PDE4D: variants seen among roughly 807,000 people sequenced by gnomAD.
The protein encoded by PDE4D is 3',5'-cyclic-AMP phosphodiesterase 4D.
Under a neutral mutation model 87.4 loss-of-function variants are expected in PDE4D, and 24 were observed. The observed-to-expected ratio is 0.27, with a 90% CI of 0.20 to 0.39. The LOEUF is 0.39. Ranked by LOEUF, PDE4D falls within the 10% of genes least tolerant of loss-of-function variation. The probability of loss-of-function intolerance (pLI) is 1.00; values close to 1 mark genes in which losing one functional copy is unlikely to be tolerated. For synonymous variants in PDE4D, 384 were observed against 383.2 expected (o/e 1.00, Z -0.02); for missense variants, 714 against 1,041.0 (o/e 0.69, Z 4.32).
rs77980393 is a variant in PDE4D, at chr5:60,124,979, G to T, written c.42+60578C>A. Among the ~76,000 whole-genome samples the T allele has an allele frequency of 1.0e-3, 157 of 152,108 alleles. 2 individuals are homozygous for T. The East Asian group carries it at 0.023, about 23-fold the overall frequency. On this transcript the variant is annotated intron_variant, in intron 2 of 16. Coordinates refer to the PDE4D transcript ENST00000502484. ...ACTTCCAAGCCTTTCCTCACTCTAG[G>T]TTGTATTTCTGCCTCACCAGCTGCT...
At chr5:59,327,478 A>G (rs562502096) in intron 1 of PDE4D, among the ~76,000 whole-genome samples, 16 of 152,256 alleles carry the variant, frequency 1.1e-4, no homozygotes, top group African/African-American at 3.8e-4. Context: ...GATAGCACAA[A>G]GCATGAGAGC....
At chr5:59,439,401 C>A (rs993841914) in intron 1 of PDE4D, among the ~76,000 whole-genome samples, 29 of 151,396 alleles carry the variant, frequency 1.9e-4, no homozygotes, top group African/African-American at 7.0e-4. Context: ...GGTTTCAGAG[C>A]CAAGTGACTT....
In PDE4D at chr5:59,688,738, A is replaced by G. The variant is rs577483079; in HGVS notation, c.455+204430T>C. On this transcript the variant is annotated intron_variant, in intron 1 of 14. Coordinates refer to ENST00000340635, the MANE Select transcript of PDE4D (RefSeq NM_001104631.2). ...TAAGATCAGAGCAGAACTGAAGGAG[A>G]TAGAGACACAAAAAAACCCTTCAAA... 1.2e-3 allele frequency among the ~76,000 whole-genome samples: 185 copies of G among 152,326 alleles called. 1 individual carries two copies. Among genetic ancestry groups the G allele is most frequent in the Non-Finnish European group, 1.7e-3 (113 of 68,032 alleles).
At chr5:59,820,869 A>G (rs1166710001) in intron 1 of PDE4D, among the ~76,000 whole-genome samples, 1 of 152,236 alleles carries the variant, frequency 6.6e-6, no homozygotes, top group Non-Finnish European at 1.5e-5. Flanking sequence ...ATAGGAGTTC[A>G]TAAAATATGC....
intron 5 of PDE4D, among the ~76,000 whole-genome samples, chr5:59,077,724 C>A (rs1765954319): frequency 6.6e-6 from 1 of 152,132 alleles, no homozygotes; most frequent in Non-Finnish European, 1.5e-5. Context: ...ATCAGTCAGT[C>A]AGCTACTCTG....
chr5:59,990,904 G>T (rs1762943053), intron 2 of PDE4D, among the ~76,000 whole-genome samples: 1 of 152,088 alleles, frequency 6.6e-6, no homozygotes, highest in Non-Finnish European at 1.5e-5. Context: ...AGGAAACCAG[G>T]ATGATTGATC....
intron 3 of PDE4D, among the ~76,000 whole-genome samples, chr5:59,953,380 G>A (rs1012838348): frequency 2.1e-4 from 32 of 151,292 alleles, no homozygotes; most frequent in African/African-American, 5.3e-4. Context: ...CTAGAATTTC[G>A]AAGCCATAAA....
rs111945307 is a variant in PDE4D, at chr5:60,479,436, C to G, written c.-90+8506G>C. ...TGAGGGCTGTTTGTTCTTTATCCAACATAGCCTACTGCAATAAATTCTTGT... is the reference window on the plus strand; with the variant it reads ...TGAGGGCTGTTTGTTCTTTATCCAAGATAGCCTACTGCAATAAATTCTTGT... On this transcript the variant is annotated intron_variant, in intron 1 of 16. Transcript: ENST00000502484. Among the ~76,000 whole-genome samples the G allele has an allele frequency of 1.7e-3, 255 of 152,296 alleles. 1 individual carries two copies. Among genetic ancestry groups the G allele is most frequent in the African/African-American group, 5.8e-3 (243 of 41,560 alleles).
At chr5:60,474,150 A>ATATATATATATATATAT (rs1274940940) in intron 1 of PDE4D, among the ~76,000 whole-genome samples, 6 of 96,406 alleles carry the variant, frequency 6.2e-5, no homozygotes, top group Admixed American at 1.9e-4. Context: ...ATATATATAT[A>ATATATATATATATATAT]ACAAAAACCT....
chr5:59,959,426 G>C (rs1045684405), intron 3 of PDE4D, among the ~76,000 whole-genome samples: 4 of 152,010 alleles, frequency 2.6e-5, no homozygotes, highest in African/African-American at 9.7e-5. Flanking sequence ...TAAAGAAAAA[G>C]AACAAAGCCA....
At chr5:60,371,624 A>T (rs569554808) in intron 1 of PDE4D, among the ~76,000 whole-genome samples, 42 of 152,332 alleles carry the variant, frequency 2.8e-4, no homozygotes, top group Admixed American at 1.7e-3. Context: ...AATAAAATTT[A>T]AAAAATTAGA....
At chr5:59,106,071 A>G (rs1771526885) in intron 5 of PDE4D, among the ~76,000 whole-genome samples, 2 of 152,234 alleles carry the variant, frequency 1.3e-5, no homozygotes, top group African/African-American at 4.8e-5. Context: ...TACAACTAAT[A>G]TATAATTGGG....
intron 1 of PDE4D, among the ~76,000 whole-genome samples, chr5:59,842,990 C>A (rs755720169): frequency 4.6e-5 from 7 of 151,910 alleles, no homozygotes; most frequent in Non-Finnish European, 8.8e-5. Context: ...ATTTCTAGAC[C>A]ACATCCTCCC....
intron 1 of PDE4D, among the ~76,000 whole-genome samples, chr5:59,627,767 G>A (rs1419445500): frequency 1.3e-5 from 2 of 152,144 alleles, no homozygotes; most frequent in Non-Finnish European, 2.9e-5. Flanking sequence ...GCTAGCCTTT[G>A]GTTACTTCCT....
intron 1 of PDE4D, among the ~76,000 whole-genome samples, chr5:60,410,410 G>T (rs1741949044): frequency 6.6e-6 from 1 of 152,084 alleles, no homozygotes; most frequent in Non-Finnish European, 1.5e-5. Flanking sequence ...AGATCTGAAA[G>T]TCTGAGCACC....
intron 2 of PDE4D, among the ~76,000 whole-genome samples, chr5:60,091,674 T>C (rs377703534): frequency 1.3e-5 from 2 of 152,180 alleles, no homozygotes; most frequent in African/African-American, 2.4e-5. Context: ...TAAAAAGATA[T>C]CTGCACTCCC....
chr5:59,788,882 A>G (rs971285213), intron 1 of PDE4D, among the ~76,000 whole-genome samples: 8 of 152,374 alleles, frequency 5.3e-5, no homozygotes, highest in African/African-American at 1.4e-4. Context: ...TTCACTTATC[A>G]AAAGCTTGTT....
chr5:60,182,738 A>G (rs1282810965), intron 2 of PDE4D, among the ~76,000 whole-genome samples: 2 of 151,460 alleles, frequency 1.3e-5, no homozygotes, highest in Non-Finnish European at 2.9e-5. Context: ...AAATTAGCCG[A>G]GCGTGGTGGC....
intron 1 of PDE4D, among the ~76,000 whole-genome samples, chr5:59,802,191 C>T (rs1001232650): frequency 3.3e-4 from 50 of 152,086 alleles, no homozygotes; most frequent in African/African-American, 1.2e-3. Flanking sequence ...TAGAAGAGAA[C>T]CTCTGGGACA....
Sources: allele counts gnomAD v4.1 joint callset (sites outside exome capture counted in the v4.1 genomes callset), GRCh38; gene constraint gnomAD v4.1.1; transcripts MANE v1.5; gene names NCBI Gene and HGNC (gene_info 2026-07-23, HGNC 2026-07-21).